The following TLN2 variants were observed in gnomAD, a reference collection of about 807,000 sequenced individuals.
The protein encoded by TLN2 is talin-2.
In TLN2, 118 loss-of-function variants were observed where a neutral mutation model predicts 294.7. The ratio of observed to expected loss-of-function variants is 0.40; its 90% CI spans 0.34 to 0.47. TLN2 has a LOEUF of 0.47. TLN2 is among the 20% of genes least tolerant of loss of function. The pLI, the probability that TLN2 is intolerant of heterozygous loss-of-function variation, is 0.84. For synonymous variants in TLN2, 1,431 were observed against 1,304.5 expected, an observed-to-expected ratio of 1.10 and a Z score of -2.09; for missense variants, 3,083 against 3,282.2, an observed-to-expected ratio of 0.94 and a Z score of 1.48.
intron 1 of TLN2, among the ~76,000 whole-genome samples, chr15:62,520,965 A>G (rs1319350257): frequency 6.6e-6 from 1 of 152,182 alleles, no homozygotes; most frequent in Non-Finnish European, 1.5e-5. Context: ...ACGTGCAAAA[A>G]GCTCCACATC....
At chr15:62,583,312 A>T (rs890284409) in intron 1 of TLN2, among the ~76,000 whole-genome samples, 3 of 152,152 alleles carry the variant, frequency 2.0e-5, no homozygotes, top group Non-Finnish European at 4.4e-5. Context: ...CTTCCCCCAA[A>T]GGAGACCCTC....
At chr15:62,718,057 A>G (rs993339277) in intron 24 of TLN2, among the ~76,000 whole-genome samples, 6 of 152,328 alleles carry the variant, frequency 3.9e-5, no homozygotes, top group African/African-American at 1.4e-4. Context: ...TCCCTGGAGC[A>G]GGGTTCATTT....
Position 62,796,302 on chromosome 15 carries a change from G to T in TLN2, c.6050+9G>T, listed in dbSNP as rs1166640684. On this transcript the variant is annotated intron_variant, in intron 47 of 58. Coordinates refer to ENST00000636159, the MANE Select transcript of TLN2 (RefSeq NM_015059.3). The stretch of plus-strand genomic sequence containing the variant: ...ACCTTCGCAGACCACAGGTACGTGG[G>T]GGTCCTGGACGGGGAGAGGTTCAGG... The T allele has an allele frequency of 6.2e-7, 1 of 1,610,800 alleles. No homozygotes were observed. Among genetic ancestry groups the T allele is most frequent in the East Asian group, 2.2e-5 (1 of 44,846 alleles).
At chr15:62,715,707 A>G (rs1317564) in intron 22 of TLN2, among the ~76,000 whole-genome samples, 7,366 of 152,262 alleles carry the variant, frequency 0.048, 544 homozygotes, top group African/African-American at 0.16. Flanking sequence ...CATTTCTCTC[A>G]TTAATTCAGT....
At chr15:62,696,852 A>T (rs771930862) in intron 14 of TLN2, among the ~76,000 whole-genome samples, 3 of 152,202 alleles carry the variant, frequency 2.0e-5, no homozygotes. Flanking sequence ...TCTGTGGTCA[A>T]TGGTGGTGGA....
intron 21 of TLN2, 105 bp downstream of exon 21, chr15:62,708,901 C>A: frequency 7.4e-7 from 1 of 1,359,034 alleles, no homozygotes; most frequent in Non-Finnish European, 9.8e-7. Flanking sequence ...CTGGCAAGGG[C>A]AAGTTCTCTT....
chr15:62,466,519 A>G (rs575967293), intron 1 of TLN2, among the ~76,000 whole-genome samples: 1 of 152,334 alleles, frequency 6.6e-6, no homozygotes, highest in South Asian at 2.1e-4. Context: ...GACATTGCCA[A>G]ATGTTCCCTG....
chr15:62,782,924 A>C (rs2064308560), intron 44 of TLN2, among the ~76,000 whole-genome samples: 1 of 152,242 alleles, frequency 6.6e-6, no homozygotes, highest in South Asian at 2.1e-4. Flanking sequence ...TTGATGAGGG[A>C]CAGTGACACC....
intron 40 of TLN2, 107 bp downstream of exon 40, chr15:62,763,802 C>T: frequency 1.4e-6 from 2 of 1,404,134 alleles, no homozygotes; most frequent in Non-Finnish European, 1.9e-6. Flanking sequence ...GTTTCTGTTG[C>T]TGGAGTTTCA....
chr15:62,630,480 A>G (rs1195238267), intron 3 of TLN2, among the ~76,000 whole-genome samples: 5 of 152,206 alleles, frequency 3.3e-5, no homozygotes, highest in African/African-American at 1.2e-4. Flanking sequence ...AAGAGAGCAC[A>G]TAACTCAGAG....
rs752127227 is a variant in TLN2, at chr15:62,727,119, A to G, written c.3288A>G (p.Thr1096=). The change falls in exon 28 of 59, where the codon ACA becomes ACG. Residue 1096 remains threonine (T), a synonymous_variant. Transcript: ENST00000636159. ...LEKCAQDLGS[T]SKAVGSSMAQ... Reference sequence around the variant, plus strand: ...AATGTGCTCAGGACCTGGGAAGCACATCCAAGGCGGTGGGCTCCTCCATGG... The same window carrying G: ...AATGTGCTCAGGACCTGGGAAGCACGTCCAAGGCGGTGGGCTCCTCCATGG... 2.5e-6 allele frequency: 4 copies of G among 1,614,110 alleles called. No individual in the cohort carries two copies. The highest frequency in any genetic ancestry group is 3.4e-6 in the Non-Finnish European group (4 of 1,180,050).
chr15:62,599,824 C>T (rs1369966036), intron 2 of TLN2, among the ~76,000 whole-genome samples: 1 of 152,032 alleles, frequency 6.6e-6, no homozygotes, highest in African/African-American at 2.4e-5. Context: ...TGGGAGTGAG[C>T]GCTTGCTGTC....
chr15:62,816,744 C>T (rs2067147929), intron 52 of TLN2, among the ~76,000 whole-genome samples: 1 of 152,182 alleles, frequency 6.6e-6, no homozygotes, highest in African/African-American at 2.4e-5. Context: ...CTTATTCATG[C>T]TGTGTTGGCC....
In TLN2 at chr15:62,840,601, T is replaced by C; in HGVS notation, c.7620T>C (p.Asp2540=). The C allele has an allele frequency of 6.2e-7, 1 of 1,613,956 alleles. No individual in the cohort carries two copies. Among genetic ancestry groups the C allele is most frequent in the Non-Finnish European group, 8.5e-7 (1 of 1,179,952 alleles). ...YKFLPTELRE[D]EG ...TTTTACCCACCGAGCTGAGGGAAGA[T>C]GAGGGCTAAAGGTGCGAGCCCAGAT... is the stretch of plus-strand genomic sequence containing the variant. The change falls in exon 59 of 59, where the codon GAT becomes GAC. Residue 2540 remains aspartate, a synonymous_variant. Coordinates refer to ENST00000636159, the MANE Select transcript of TLN2 (RefSeq NM_015059.3).
chr15:62,462,328 G>A (rs1256478883), intron 1 of TLN2, among the ~76,000 whole-genome samples: 1 of 152,186 alleles, frequency 6.6e-6, no homozygotes, highest in Non-Finnish European at 1.5e-5. Context: ...CTTCACAGAA[G>A]CCCCCAGGAG....
intron 45 of TLN2, among the ~76,000 whole-genome samples, chr15:62,789,677 C>T (rs1204383413): frequency 6.6e-6 from 1 of 152,140 alleles, no homozygotes; most frequent in African/African-American, 2.4e-5. Flanking sequence ...GTGTTCGTCC[C>T]GGTGCCTTGC....
Position 62,482,430 on chromosome 15 carries a change from C to T in TLN2, c.-238+91745C>T, listed in dbSNP as rs554226065. On this transcript the variant is annotated intron_variant, in intron 1 of 58. Coordinates refer to ENST00000636159, the MANE Select transcript of TLN2 (RefSeq NM_015059.3). ...CCAGCCTGACCAACATGGAGAAACC[C>T]CATCTCTGCTAAAAATACAAAATTA... is the stretch of plus-strand genomic sequence containing the variant. 2.0e-5 allele frequency among the ~76,000 whole-genome samples: 3 copies of T among 151,382 alleles called. No individual in the cohort carries two copies. In the South Asian group the frequency reaches 6.3e-4, roughly 32 times the overall value.
chr15:62,655,904 A>C (rs1336738641), intron 7 of TLN2, 40 bp from the exon 8 acceptor site: 1 of 1,607,432 alleles, frequency 6.2e-7, no homozygotes, highest in Non-Finnish European at 8.5e-7. Flanking sequence ...TTAACAGGAA[A>C]AATAAACACA....
chr15:62,454,148 T>G (rs1330402881), intron 1 of TLN2, among the ~76,000 whole-genome samples: 1 of 152,216 alleles, frequency 6.6e-6, no homozygotes, highest in African/African-American at 2.4e-5. Context: ...GTGGCTCATT[T>G]TGGCCTTTTT....
Sources: gnomAD v4.1 joint callset for allele counts (sites outside exome capture counted in the v4.1 genomes callset) on GRCh38, gnomAD v4.1.1 for gene constraint, MANE v1.5 for transcripts, NCBI Gene and HGNC (gene_info 2026-07-23, HGNC 2026-07-21) for gene names.